The following SLC49A4 variants were observed in gnomAD, a reference collection of about 807,000 sequenced individuals.
SLC49A4 encodes the protein solute carrier family 49 member 4.
In SLC49A4, 36 loss-of-function variants were observed where a neutral mutation model predicts 50.6. That is an observed-to-expected ratio of 0.71 (90% CI 0.55 to 0.94). The LOEUF (loss-of-function observed/expected upper bound fraction) is 0.94, where lower values mean the gene tolerates loss of function less well. Ranked by LOEUF, SLC49A4 falls within the 40% of genes least tolerant of loss-of-function variation. The pLI is 0.00. For synonymous variants in SLC49A4, 248 were observed against 241.2 expected (o/e 1.03, Z -0.26); for missense variants, 503 against 605.7 (o/e 0.83, Z 1.78).
chr3:122,865,543 A>G (rs1475540623), intron 7 of SLC49A4, among the ~76,000 whole-genome samples: 5 of 152,240 alleles, frequency 3.3e-5, no homozygotes, highest in African/African-American at 1.2e-4. Context: ...CTGTGTGTGT[A>G]CACACATACA....
intron 1 of SLC49A4, among the ~76,000 whole-genome samples, chr3:122,805,217 A>G (rs1192217782): frequency 2.6e-5 from 4 of 152,354 alleles, no homozygotes; most frequent in East Asian, 1.9e-4. Context: ...TAGTAGAAGC[A>G]GTAAATGAGC....
Position 122,810,569 on chromosome 3 carries a change from A to G in SLC49A4, c.437+3619A>G, listed in dbSNP as rs116331674. On this transcript the variant is annotated intron_variant, in intron 2 of 8. Coordinates refer to ENST00000261038, the MANE Select transcript of SLC49A4 (RefSeq NM_032839.3). Reference sequence around the variant, plus strand: ...GTGTATCCAGTGATTCCTGTAACACATGCCATGTATATTTTTAAATTTTAT... The same window carrying G: ...GTGTATCCAGTGATTCCTGTAACACGTGCCATGTATATTTTTAAATTTTAT... 4.7e-3 allele frequency among the ~76,000 whole-genome samples: 714 copies of G among 152,330 alleles called. 4 individuals are homozygous for G. The highest frequency in any genetic ancestry group is 0.016 in the African/African-American group (681 of 41,564).
chr3:122,844,820 AACTG>A (rs1488232506), intron 4 of SLC49A4, among the ~76,000 whole-genome samples: 2 of 152,106 alleles, frequency 1.3e-5, no homozygotes, highest in African/African-American at 4.8e-5. Context: ...TGAATTTATT[AACTG>A]ACAGATTTTT....
chr3:122,862,887 A>G (rs1443732725), intron 7 of SLC49A4, among the ~76,000 whole-genome samples: 1 of 152,136 alleles, frequency 6.6e-6, no homozygotes, highest in African/African-American at 2.4e-5. Flanking sequence ...GCATGTTTTA[A>G]TTTTATAATC....
chr3:122,857,391 C>T (rs1488368628), intron 6 of SLC49A4, among the ~76,000 whole-genome samples: 1 of 151,750 alleles, frequency 6.6e-6, no homozygotes, highest in Non-Finnish European at 1.5e-5. Flanking sequence ...TCATTCACTT[C>T]CCAAATCATT....
Position 122,880,607 on chromosome 3 carries a change from A to C in SLC49A4, c.*1229A>C, listed in dbSNP as rs180703954. ...TTCCCAAAAAGTCAAGAATACTGCTATACCTTTATTATTCTCAGCTTCCTC... is the reference window on the plus strand; with the variant it reads ...TTCCCAAAAAGTCAAGAATACTGCTCTACCTTTATTATTCTCAGCTTCCTC... On this transcript the variant is annotated 3_prime_UTR_variant, in exon 9 of 9. Transcript: ENST00000261038. The C allele has an allele frequency of 1.8e-4, 27 of 152,394 alleles. No individual in the cohort carries two copies. The highest frequency in any genetic ancestry group is 5.8e-4 in the African/African-American group (24 of 41,578). The allele number at this position is 152,394 out of a possible 1,614,324, so 9.4% of individuals were successfully genotyped here. A position where few individuals can be genotyped will look rare whatever the true frequency, so the allele number is the denominator to read the frequency against.
At chr3:122,877,415 T>C (rs1026579402) in intron 8 of SLC49A4, among the ~76,000 whole-genome samples, 2 of 152,218 alleles carry the variant, frequency 1.3e-5, no homozygotes, top group Admixed American at 6.5e-5. Flanking sequence ...TGAGACGTTT[T>C]TAGAGATTTC....
intron 1 of SLC49A4, among the ~76,000 whole-genome samples, chr3:122,805,017 A>G (rs1936194530): frequency 6.6e-6 from 1 of 152,114 alleles, no homozygotes; most frequent in African/African-American, 2.4e-5. Context: ...AAAAATAAAT[A>G]TCATGTAGAA....
chr3:122,832,974 C>A (rs988368849), intron 3 of SLC49A4, among the ~76,000 whole-genome samples: 1 of 152,126 alleles, frequency 6.6e-6, no homozygotes, highest in African/African-American at 2.4e-5. Context: ...ACCTGTAATT[C>A]CAGCATTTTG....
chr3:122,872,393 A>C (rs745885407), intron 7 of SLC49A4, 22 bp from the exon 8 acceptor site: 5 of 1,593,128 alleles, frequency 3.1e-6, no homozygotes, highest in Non-Finnish European at 4.3e-6. Context: ...GTGAAACTAA[A>C]ATGTTTGTGT....
At chr3:122,813,932 G>A (rs1936331675) in intron 2 of SLC49A4, among the ~76,000 whole-genome samples, 2 of 152,096 alleles carry the variant, frequency 1.3e-5, no homozygotes, top group African/African-American at 2.4e-5. Flanking sequence ...TTTAAAATGA[G>A]ACAGGATAAG....
rs1344666197 is a variant in SLC49A4 at position 122,825,991 on chromosome 3, A to G, written c.438-809A>G. ...AAACTGCTTTTCATTAACCCTTACA[A>G]TTAAAGTCAGAATTAGAGTATGAGA... On this transcript the variant is annotated intron_variant, in intron 2 of 8. Coordinates refer to ENST00000261038, the MANE Select transcript of SLC49A4 (RefSeq NM_032839.3). Among the ~76,000 whole-genome samples, 3 of 152,322 alleles carry G rather than the reference A, an allele frequency of 2.0e-5. No homozygotes were observed. In the East Asian group the frequency reaches 5.8e-4, roughly 29 times the overall value.
chr3:122,806,962 A>G lies in SLC49A4; in HGVS notation c.437+12A>G. ...ATCCTTAAAAGAAGGTAAATCCTGT[A>G]AATAACATTTCTCCCCCATTTTTCA... On this transcript the variant is annotated intron_variant, in intron 2 of 8. Coordinates refer to ENST00000261038, the MANE Select transcript of SLC49A4 (RefSeq NM_032839.3). 1 of 1,466,752 alleles carries G rather than the reference A, an allele frequency of 6.8e-7. No homozygotes were observed. The highest frequency in any genetic ancestry group is 1.2e-5 in the South Asian group (1 of 84,560). 90.9% of individuals were successfully genotyped at this position (1,466,752 alleles called of 1,614,324 possible).
intron 2 of SLC49A4, among the ~76,000 whole-genome samples, chr3:122,824,160 A>G (rs1201957063): frequency 2.0e-5 from 3 of 152,232 alleles, no homozygotes; most frequent in Non-Finnish European, 4.4e-5. Context: ...GCATGTAATT[A>G]TCTAAAATTG....
intron 2 of SLC49A4, among the ~76,000 whole-genome samples, chr3:122,823,729 A>G (rs1172408012): frequency 6.6e-6 from 1 of 152,240 alleles, no homozygotes; most frequent in East Asian, 1.9e-4. Context: ...TCCAGAAAAA[A>G]TGTATCTCTA....
chr3:122,873,495 C>T (rs1937221279), intron 8 of SLC49A4, among the ~76,000 whole-genome samples: 1 of 152,130 alleles, frequency 6.6e-6, no homozygotes, highest in Non-Finnish European at 1.5e-5. Context: ...CTTTCAAAGC[C>T]AGTGTGAAAC....
intron 3 of SLC49A4, among the ~76,000 whole-genome samples, chr3:122,827,880 T>C (rs905729497): frequency 3.3e-5 from 5 of 152,208 alleles, no homozygotes; most frequent in Non-Finnish European, 4.4e-5. Flanking sequence ...AAGAATGTAA[T>C]AATTAAAGTT....
chr3:122,833,359 A>AT lies in SLC49A4; in HGVS notation c.749dup (p.Pro252ThrfsTer13). Reference sequence around the variant, plus strand: ...TTAATATTTTCTGCAACACTAGCTTATTTCCCACCCCGACCTCCTCTTCCT... The same window carrying AT: ...TTAATATTTTCTGCAACACTAGCTTATTTTCCCACCCCGACCTCCTCTTCCT... On this transcript the variant is annotated frameshift_variant, in exon 4 of 9. Coordinates refer to ENST00000261038, the MANE Select transcript of SLC49A4 (RefSeq NM_032839.3). LOFTEE classifies it high-confidence loss of function. 6.2e-7 allele frequency: 1 copy of AT among 1,613,490 alleles called. No individual in the cohort carries two copies. The highest frequency in any genetic ancestry group is 8.5e-7 in the Non-Finnish European group (1 of 1,179,642).
intron 8 of SLC49A4, among the ~76,000 whole-genome samples, 159 bp downstream of exon 8, chr3:122,872,756 T>TC (rs1227445506): frequency 6.6e-6 from 1 of 152,178 alleles, no homozygotes; most frequent in Non-Finnish European, 1.5e-5. Context: ...GTTGTTTTTC[T>TC]TAAAATGCAT....
Sources: allele counts gnomAD v4.1 joint callset (sites outside exome capture counted in the v4.1 genomes callset), GRCh38; gene constraint gnomAD v4.1.1; transcripts MANE v1.5; gene names NCBI Gene and HGNC (gene_info 2026-07-23, HGNC 2026-07-21).